Variants in TNIK observed in about 807,000 individuals in gnomAD.
The protein encoded by TNIK is TRAF2 and NCK-interacting protein kinase.
A neutral mutation model predicts 191.3 loss-of-function variants in TNIK; 49 were observed. The ratio of observed to expected loss-of-function variants is 0.26; its 90% CI spans 0.20 to 0.32. The LOEUF is 0.32. Among genes scored for constraint, TNIK ranks in the 10% least tolerant of loss-of-function variants. The pLI is 1.00. For synonymous variants in TNIK, 594 were observed against 600.9 expected (o/e 0.99, Z 0.17); for missense variants, 1,155 against 1,702.3 (o/e 0.68, Z 5.66).
Position 171,213,625 on chromosome 3 carries a change from CA to C in TNIK, c.181-2385del, listed in dbSNP as rs368842728. ...ACAGAAGGCACTATGTAATTAAATC[CA>C]AAATAAATAGTACTGGAGGTCAGAA... is the stretch of plus-strand genomic sequence containing the variant. On this transcript the variant is annotated intron_variant, in intron 3 of 32. Coordinates refer to ENST00000436636, the MANE Select transcript of TNIK (RefSeq NM_015028.4). 2.5e-3 allele frequency among the ~76,000 whole-genome samples: 376 copies of C among 152,144 alleles called. 1 individual carries two copies. Among genetic ancestry groups the C allele is most frequent in the African/African-American group, 8.3e-3 (346 of 41,516 alleles).
At chr3:171,165,683 T>C (rs1404092515) in intron 10 of TNIK, among the ~76,000 whole-genome samples, 3 of 152,114 alleles carry the variant, frequency 2.0e-5, no homozygotes, top group African/African-American at 7.2e-5. Context: ...AGGAGAGAAA[T>C]GGAGAGGAAG....
chr3:171,427,182 C>T (rs1724752741), intron 1 of TNIK, among the ~76,000 whole-genome samples: 1 of 152,188 alleles, frequency 6.6e-6, no homozygotes, highest in East Asian at 1.9e-4. Flanking sequence ...GATAGGTCTA[C>T]TTCATACCTT....
chr3:171,428,902 T>C (rs897328003), intron 1 of TNIK, among the ~76,000 whole-genome samples: 1 of 152,206 alleles, frequency 6.6e-6, no homozygotes, highest in African/African-American at 2.4e-5. Flanking sequence ...TTCTGTCCCT[T>C]GTCCCCCTGA....
intron 2 of TNIK, among the ~76,000 whole-genome samples, chr3:171,323,632 G>C (rs1560427709): frequency 1.3e-5 from 2 of 152,132 alleles, no homozygotes; most frequent in South Asian, 4.2e-4. Flanking sequence ...CATATCAGGG[G>C]AACTAAACAC....
intron 10 of TNIK, among the ~76,000 whole-genome samples, chr3:171,161,719 C>G (rs1302799149): frequency 1.3e-5 from 2 of 151,472 alleles, no homozygotes; most frequent in South Asian, 2.1e-4. Context: ...GAGATCGAGA[C>G]CATCCTGGCT....
chr3:171,216,786 A>AT (rs1327094447), intron 3 of TNIK, among the ~76,000 whole-genome samples: 1 of 152,198 alleles, frequency 6.6e-6, no homozygotes, highest in East Asian at 1.9e-4. Flanking sequence ...AACAGACTGT[A>AT]ATAAATTAGA....
intron 2 of TNIK, among the ~76,000 whole-genome samples, chr3:171,309,204 G>A (rs543477013): frequency 2.8e-4 from 42 of 152,216 alleles, no homozygotes; most frequent in African/African-American, 9.6e-4. Flanking sequence ...TATACACCAT[G>A]GAATACTATG....
chr3:171,375,223 T>C (rs1717049739), intron 1 of TNIK, among the ~76,000 whole-genome samples: 2 of 152,232 alleles, frequency 1.3e-5, no homozygotes, highest in Admixed American at 6.5e-5. Flanking sequence ...CTTTAATAAA[T>C]ATTCATTTTC....
intron 1 of TNIK, among the ~76,000 whole-genome samples, chr3:171,380,064 T>C (rs552657486): frequency 1.3e-5 from 2 of 150,934 alleles, no homozygotes; most frequent in Admixed American, 1.3e-4. Context: ...CACACGCAAG[T>C]TGCTTTAAAG....
At chr3:171,128,283 G>A (rs750210920) in intron 16 of TNIK, among the ~76,000 whole-genome samples, 9 of 152,212 alleles carry the variant, frequency 5.9e-5, no homozygotes, top group Non-Finnish European at 1.0e-4. Flanking sequence ...CTTAGAAGAC[G>A]TAATTTTACT....
At chr3:171,262,698 C>A (rs371991980) in intron 2 of TNIK, among the ~76,000 whole-genome samples, 85 of 152,340 alleles carry the variant, frequency 5.6e-4, no homozygotes, top group African/African-American at 2.0e-3. Flanking sequence ...TTTTACTAAG[C>A]AGTCAGTTGC....
At position 171,106,580 on chromosome 3, in the gene TNIK, TAAGGC is replaced by T. The variant is rs534568486; in HGVS notation, c.2406+598_2406+602del. The T allele has an allele frequency of 2.2e-4, 105 of 474,948 alleles. 1 individual carries two copies. Among genetic ancestry groups the T allele is most frequent in the South Asian group, 1.2e-3 (79 of 63,324 alleles). 29.4% of individuals were successfully genotyped at this position (474,948 alleles called of 1,614,324 possible). On this transcript the variant is annotated intron_variant, in intron 21 of 32. Coordinates refer to ENST00000436636, the MANE Select transcript of TNIK (RefSeq NM_015028.4). ...TTCATGCAGGTCTGACAAATAGCAG[TAAGGC>T]AGTCATCCTTCTTAGCAAGCTACCT...
intron 28 of TNIK, among the ~76,000 whole-genome samples, chr3:171,077,860 T>G (rs1382750115): frequency 6.6e-6 from 1 of 152,046 alleles, no homozygotes. Context: ...TATGTATGTA[T>G]GTATATGTGT....
intron 1 of TNIK, among the ~76,000 whole-genome samples, chr3:171,419,297 A>G (rs1472917660): frequency 2.6e-5 from 4 of 152,340 alleles, no homozygotes; most frequent in Non-Finnish European, 5.9e-5. Flanking sequence ...AATGTCCATA[A>G]TGGGAAAATC....
At position 171,087,524 on chromosome 3, in the gene TNIK, G is replaced by C. The variant is rs370658435; in HGVS notation, c.2722-18C>G. The C allele has an allele frequency of 6.2e-7, 1 of 1,611,544 alleles. No homozygotes were observed. The highest frequency in any genetic ancestry group is 1.1e-5 in the South Asian group (1 of 90,976). ...CCAGACGTCTGAGGGAGCACAGCAC[G>C]TGGGAGGAGTTAGAGAGGGGGGAAA... is the stretch of plus-strand genomic sequence containing the variant. On this transcript the variant is annotated intron_variant, in intron 23 of 32. Coordinates refer to ENST00000436636, the MANE Select transcript of TNIK (RefSeq NM_015028.4).
intron 23 of TNIK, among the ~76,000 whole-genome samples, chr3:171,088,775 G>A (rs1219335293): frequency 6.6e-6 from 1 of 152,192 alleles, no homozygotes; most frequent in Non-Finnish European, 1.5e-5. Flanking sequence ...GGCCTGACTA[G>A]TGTTGCACTT....
intron 2 of TNIK, among the ~76,000 whole-genome samples, chr3:171,249,018 A>G (rs1577245971): frequency 6.6e-6 from 1 of 152,266 alleles, no homozygotes; most frequent in East Asian, 1.9e-4. Flanking sequence ...TTAAAATGCA[A>G]GTGAAAGTAA....
At chr3:171,120,343 T>C (rs1171759096) in intron 18 of TNIK, among the ~76,000 whole-genome samples, 2 of 144,632 alleles carry the variant, frequency 1.4e-5, no homozygotes, top group East Asian at 3.9e-4. Context: ...TTTTTTGAGA[T>C]GGAGTCTTGC....
chr3:171,289,103 A>G (rs1033240384), intron 2 of TNIK, among the ~76,000 whole-genome samples: 1 of 152,184 alleles, frequency 6.6e-6, no homozygotes, highest in Non-Finnish European at 1.5e-5. Context: ...GGCATAAGGG[A>G]AGCTTCACAA....
Sources: allele counts gnomAD v4.1 joint callset (sites outside exome capture counted in the v4.1 genomes callset), GRCh38; gene constraint gnomAD v4.1.1; transcripts MANE v1.5; gene names NCBI Gene and HGNC (gene_info 2026-07-23, HGNC 2026-07-21).